MINPP1: variants seen among roughly 807,000 people sequenced by gnomAD.
MINPP1 encodes multiple inositol-polyphosphate phosphatase 1.
A neutral mutation model predicts 46.1 loss-of-function variants in MINPP1; 28 were observed. The ratio of observed to expected loss-of-function variants is 0.61; its 90% CI spans 0.45 to 0.83. The LOEUF is 0.83. Ranked by LOEUF, MINPP1 falls within the 40% of genes least tolerant of loss-of-function variation. The pLI, the probability that MINPP1 is intolerant of heterozygous loss-of-function variation, is 0.00. For synonymous variants in MINPP1, 268 were observed against 249.1 expected, an observed-to-expected ratio of 1.08 and a Z score of -0.72; for missense variants, 603 against 610.0, an observed-to-expected ratio of 0.99 and a Z score of 0.12.
At chr10:87,536,016 G>T (rs988449023) in intron 4 of MINPP1, among the ~76,000 whole-genome samples, 1 of 152,086 alleles carries the variant, frequency 6.6e-6, no homozygotes, top group African/African-American at 2.4e-5. Context: ...GTATTCTGAG[G>T]TTTACACTTA....
At position 87,552,382 on chromosome 10, in the gene MINPP1, A is replaced by C. The variant is rs1262507072; in HGVS notation, c.1368A>C (p.Glu456Asp). Residue 456 changes from glutamate to aspartate, a missense_variant, in exon 5 of 5, where the codon GAA (glutamate) becomes GAC (aspartate). By Grantham distance (45) the Glu-to-Asp change is conservative. Around this residue, in one of 3 missense-constraint regions of MINPP1, gnomAD observed 344 missense variants for 381.1 expected, o/e 0.90. Coordinates refer to ENST00000371996, the MANE Select transcript of MINPP1 (RefSeq NM_004897.5). ...CACAAGAAACTGTTTCATTTTATGAAGATCTGAAGAACCACTACAAGGACA... is the reference window on the plus strand; with the variant it reads ...CACAAGAAACTGTTTCATTTTATGACGATCTGAAGAACCACTACAAGGACA... ...AYSQETVSFY[E>D]DLKNHYKDIL... 6.2e-7 allele frequency: 1 copy of C among 1,613,540 alleles called. No homozygotes were observed. Among genetic ancestry groups the C allele is most frequent in the East Asian group, 2.2e-5 (1 of 44,870 alleles).
rs1157695070 is a variant in MINPP1 at position 87,516,201 on chromosome 10, G to A, written c.933+2980G>A. 2.9e-5 allele frequency among the ~76,000 whole-genome samples: 3 copies of A among 104,330 alleles called. 1 individual carries two copies. Among genetic ancestry groups the A allele is most frequent in the African/African-American group, 8.6e-5 (3 of 34,732 alleles). The allele number at this position is 104,330 out of a possible 152,430, so 68.4% of individuals were successfully genotyped here. ...GAGATAATTAGATATCCTGGACTTT[G>A]TGTACCTTCAGCAAGCATTTTTTGA... On this transcript the variant is annotated intron_variant, in intron 3 of 4. Transcript: ENST00000371996.
chr10:87,519,946 C>T (rs963127590), intron 3 of MINPP1, among the ~76,000 whole-genome samples: 1 of 152,020 alleles, frequency 6.6e-6, no homozygotes, highest in Non-Finnish European at 1.5e-5. Flanking sequence ...TACCAGCTCC[C>T]GGTTCCAGAC....
chr10:87,535,586 A>T (rs1851722600), intron 4 of MINPP1, among the ~76,000 whole-genome samples: 1 of 152,188 alleles, frequency 6.6e-6, no homozygotes, highest in East Asian at 1.9e-4. Context: ...GGTGTTATCT[A>T]TGCCAGAGAA....
intron 3 of MINPP1, among the ~76,000 whole-genome samples, chr10:87,520,290 T>G (rs1236114974): frequency 6.6e-6 from 1 of 152,160 alleles, no homozygotes; most frequent in Non-Finnish European, 1.5e-5. Context: ...TTTTTTGGCT[T>G]CTATAAGCAG....
At chr10:87,513,483 A>G (rs1851366084) in intron 3 of MINPP1, among the ~76,000 whole-genome samples, 1 of 152,184 alleles carries the variant, frequency 6.6e-6, no homozygotes. Flanking sequence ...CATCCCATTT[A>G]CAGACCTACT....
chr10:87,512,285 C>T (rs564060664), intron 2 of MINPP1, among the ~76,000 whole-genome samples: 39 of 152,256 alleles, frequency 2.6e-4, no homozygotes, highest in Non-Finnish European at 4.9e-4. Context: ...TGTAAAAATG[C>T]TAGATAACTT....
chr10:87,545,486 C>CA (rs547462745), intron 4 of MINPP1, among the ~76,000 whole-genome samples: 95 of 148,216 alleles, frequency 6.4e-4, no homozygotes, highest in East Asian at 1.2e-3. Context: ...TATTGTCAAG[C>CA]AAAAAAAAAT....
chr10:87,509,632 C>A lies in MINPP1; in HGVS notation c.835+1099C>A. ...CTGGATCCCATTCTTCTTCCTTTCT[C>A]ACCAGTGGTAATTGTTGTCATGAAT... On this transcript the variant is annotated intron_variant, in intron 2 of 4. Transcript: ENST00000371996. The A allele has an allele frequency of 3.1e-5, 7 of 226,510 alleles. No individual in the cohort carries two copies. The South Asian group carries it at 3.1e-4, about 10-fold the overall frequency. The allele number at this position is 226,510 out of a possible 1,614,324, so 14.0% of individuals were successfully genotyped here.
intron 1 of MINPP1, among the ~76,000 whole-genome samples, chr10:87,507,095 T>C (rs1851263229): frequency 6.6e-6 from 1 of 152,192 alleles, no homozygotes; most frequent in Non-Finnish European, 1.5e-5. Context: ...TGACTCTCAG[T>C]ACAGAGCCAG....
chr10:87,529,880 T>C (rs900575753), intron 4 of MINPP1, among the ~76,000 whole-genome samples: 1 of 152,238 alleles, frequency 6.6e-6, no homozygotes, highest in Non-Finnish European at 1.5e-5. Flanking sequence ...TAGTCCCATA[T>C]TTCTTGGAGG....
rs1470362930 is a variant in MINPP1, at chr10:87,508,424, T to C, written c.726T>C (p.Asn242=). The change falls in exon 2 of 5, where the codon AAT becomes AAC. Residue 242 remains asparagine, a synonymous_variant. Coordinates refer to ENST00000371996, the MANE Select transcript of MINPP1 (RefSeq NM_004897.5). ...AGTTTTTAACTGAAGTAGAAAAAAA[T>C]GCTACAGCTCTTTATCACGTGGAAG... is the stretch of plus-strand genomic sequence containing the variant. ...CEKFLTEVEK[N]ATALYHVEAF... 6.2e-7 allele frequency: 1 copy of C among 1,613,594 alleles called. No homozygotes were observed. The highest frequency in any genetic ancestry group is 8.5e-7 in the Non-Finnish European group (1 of 1,179,790).
At position 87,552,707 on chromosome 10, in the gene MINPP1, T is replaced by C. The variant is rs1356096065; in HGVS notation, c.*229T>C. 1.9e-6 allele frequency: 1 copy of C among 515,168 alleles called. No individual in the cohort carries two copies. The highest frequency in any genetic ancestry group is 3.4e-6 in the Non-Finnish European group (1 of 290,968). 31.9% of individuals were successfully genotyped at this position (515,168 alleles called of 1,614,324 possible). ...AAACAAATCTATTTAGAGAAACAGC[T>C]GGCCCTGCAAATGTTTACAGAAATG... On this transcript the variant is annotated 3_prime_UTR_variant, in exon 5 of 5. Transcript: ENST00000371996.
At chr10:87,514,974 C>G (rs1026659808) in intron 3 of MINPP1, among the ~76,000 whole-genome samples, 2 of 151,888 alleles carry the variant, frequency 1.3e-5, no homozygotes, top group African/African-American at 4.8e-5. Flanking sequence ...CCTGGGCCCC[C>G]CAAAGTGCTG....
At chr10:87,519,632 GCTC>G (rs1295450459) in intron 3 of MINPP1, among the ~76,000 whole-genome samples, 1 of 152,182 alleles carries the variant, frequency 6.6e-6, no homozygotes, top group African/African-American at 2.4e-5. Flanking sequence ...GTAGCAAGTA[GCTC>G]CTCCTCACCC....
At chr10:87,506,664 A>G (rs1851255908) in intron 1 of MINPP1, among the ~76,000 whole-genome samples, 1 of 152,220 alleles carries the variant, frequency 6.6e-6, no homozygotes, top group Non-Finnish European at 1.5e-5. Flanking sequence ...AAAACATGTA[A>G]CATTTTTGTA....
chr10:87,514,588 G>T (rs939515521), intron 3 of MINPP1, among the ~76,000 whole-genome samples: 1 of 152,116 alleles, frequency 6.6e-6, no homozygotes, highest in Admixed American at 6.5e-5. Context: ...GTTTTTGGAT[G>T]TGTCTGATAT....
chr10:87,527,636 G>A (rs1851596636), intron 4 of MINPP1, among the ~76,000 whole-genome samples: 1 of 152,144 alleles, frequency 6.6e-6, no homozygotes, highest in South Asian at 2.1e-4. Context: ...CCTGATCATG[G>A]TGGATAAGCT....
intron 2 of MINPP1, among the ~76,000 whole-genome samples, chr10:87,508,746 G>A (rs1851292529): frequency 6.6e-6 from 1 of 152,008 alleles, no homozygotes; most frequent in African/African-American, 2.4e-5. Flanking sequence ...TTAAATTACT[G>A]TACAAGATTC....
Sources: gnomAD v4.1 joint callset for allele counts (sites outside exome capture counted in the v4.1 genomes callset) on GRCh38, gnomAD v4.1.1 for gene constraint, gnomAD v4.1.1 regional missense constraint, MANE v1.5 for transcripts, NCBI Gene and HGNC (gene_info 2026-07-23, HGNC 2026-07-21) for gene names.